The following SRGAP3 variants were observed in gnomAD, a reference collection of about 807,000 sequenced individuals.
SRGAP3 encodes the protein SLIT-ROBO Rho GTPase-activating protein 3.
In SRGAP3, 39 loss-of-function variants were observed where a neutral mutation model predicts 121.1. The ratio of observed to expected loss-of-function variants is 0.32; its 90% CI spans 0.25 to 0.42. SRGAP3 has a LOEUF of 0.42. Ranked by LOEUF, SRGAP3 falls within the 10% of genes least tolerant of loss-of-function variation. SRGAP3 has a pLI of 1.00. For synonymous variants in SRGAP3, 601 were observed against 570.0 expected, an observed-to-expected ratio of 1.05 and a Z score of -0.77; for missense variants, 1,213 against 1,470.6, an observed-to-expected ratio of 0.82 and a Z score of 2.86.
At chr3:9,025,394 T>C in intron 13 of SRGAP3, 56 bp from the exon 14 acceptor site, 2 of 1,560,406 alleles carry the variant, frequency 1.3e-6, no homozygotes, top group Non-Finnish European at 1.8e-6. Flanking sequence ...CTTGAGTTCA[T>C]TAGACTACCG....
At chr3:9,117,543 C>T (rs1346715407) in intron 2 of SRGAP3, among the ~76,000 whole-genome samples, 1 of 152,166 alleles carries the variant, frequency 6.6e-6, no homozygotes, top group Non-Finnish European at 1.5e-5. Context: ...ATGTTTAAAT[C>T]ATATTTAAAT....
In SRGAP3 at chr3:8,984,052, T is replaced by C. The variant is rs1941555677; in HGVS notation, c.*1467A>G. The C allele has an allele frequency of 4.3e-6, 1 of 231,608 alleles. No homozygotes were observed. 14.3% of individuals were successfully genotyped at this position (231,608 alleles called of 1,614,324 possible). A position where few individuals can be genotyped will look rare whatever the true frequency, so the allele number is the denominator to read the frequency against. On this transcript the variant is annotated 3_prime_UTR_variant, in exon 22 of 22. Transcript: ENST00000383836. ...GAAGTGATCAGAAGAGGAGGTAAAA[T>C]GGAATCGAAGGAGAGCGACCCGGAA...
At chr3:9,267,426 T>C (rs943333077) in intron 3 of SRGAP3, among the ~76,000 whole-genome samples, 1 of 152,180 alleles carries the variant, frequency 6.6e-6, no homozygotes, top group Non-Finnish European at 1.5e-5. Context: ...CTGTGCCACA[T>C]GCAGTGGTTT....
At position 8,994,360 on chromosome 3, in the gene SRGAP3, G is replaced by A. The variant is rs1301223438; in HGVS notation, c.2391C>T (p.Tyr797=). The A allele has an allele frequency of 1.2e-6, 2 of 1,614,040 alleles. No homozygotes were observed. The highest frequency in any genetic ancestry group is 1.7e-6 in the Non-Finnish European group (2 of 1,180,056). ...CCACTCACATGTCCTGTACAACTAT[G>A]TACTGATGGGGGATGAGTCCATCCA... ...NGVDGLIPHQ[Y]IVVQDMDDAF... The change falls in exon 19 of 22, where the codon TAC becomes TAT. Residue 797 remains tyrosine, a synonymous_variant. Coordinates refer to ENST00000383836, the MANE Select transcript of SRGAP3 (RefSeq NM_014850.4).
chr3:8,990,433 G>A, intron 21 of SRGAP3, 79 bp downstream of exon 21: 1 of 1,521,408 alleles, frequency 6.6e-7, no homozygotes. Flanking sequence ...AGGCCAAGGT[G>A]GCTCCCCGCT....
intron 8 of SRGAP3, among the ~76,000 whole-genome samples, chr3:9,055,439 C>T (rs1263271768): frequency 6.6e-6 from 1 of 152,218 alleles, no homozygotes; most frequent in Non-Finnish European, 1.5e-5. Flanking sequence ...CAGGAAGAGT[C>T]CAGGTTGGAA....
At chr3:9,220,565 G>T (rs539939117) in intron 1 of SRGAP3, among the ~76,000 whole-genome samples, 306 of 152,278 alleles carry the variant, frequency 2.0e-3, no homozygotes, top group African/African-American at 7.3e-3. Flanking sequence ...CTTCCATACT[G>T]CTGGACAGCA....
At chr3:9,017,139 TA>T (rs1943678879) in intron 14 of SRGAP3, among the ~76,000 whole-genome samples, 2 of 152,162 alleles carry the variant, frequency 1.3e-5, no homozygotes, top group Admixed American at 1.3e-4. Flanking sequence ...TGGTGTCTCA[TA>T]TCGAGACACC....
chr3:9,020,227 T>C (rs1943847811), intron 14 of SRGAP3, among the ~76,000 whole-genome samples: 1 of 152,236 alleles, frequency 6.6e-6, no homozygotes, highest in African/African-American at 2.4e-5. Flanking sequence ...TCTGTCTGTC[T>C]GCATCTATGC....
At chr3:9,090,882 C>T (rs932831738) in intron 3 of SRGAP3, among the ~76,000 whole-genome samples, 2 of 152,152 alleles carry the variant, frequency 1.3e-5, no homozygotes, top group African/African-American at 2.4e-5. Flanking sequence ...GGTGATCCAC[C>T]CGCCTCAACC....
At chr3:9,195,500 C>G (rs1951888363) in intron 1 of SRGAP3, among the ~76,000 whole-genome samples, 1 of 152,122 alleles carries the variant, frequency 6.6e-6, no homozygotes, top group Non-Finnish European at 1.5e-5. Context: ...AATAGCAGAG[C>G]TCCCATGGAT....
rs1955093909 is a variant in SRGAP3 at position 9,303,051 on chromosome 3, G to GT, written n.442+22958dup. On this transcript the variant is annotated intron_variant and non_coding_transcript_variant, in intron 3 of 3. Coordinates refer to the SRGAP3 transcript ENST00000490889. Reference sequence around the variant, plus strand: ...TTTGTTCTGAGCACTCTGACAAGCTGTAACACTGCCTCGATTTTTTCTTAC... The same window carrying GT: ...TTTGTTCTGAGCACTCTGACAAGCTGTTAACACTGCCTCGATTTTTTCTTAC... 4.6e-5 allele frequency among the ~76,000 whole-genome samples: 7 copies of GT among 152,290 alleles called. No homozygotes were observed. The South Asian group carries it at 1.4e-3, about 32-fold the overall frequency.
intron 3 of SRGAP3, among the ~76,000 whole-genome samples, chr3:9,316,397 G>A (rs944492661): frequency 6.8e-5 from 10 of 147,472 alleles, no homozygotes; most frequent in Admixed American, 3.4e-4. Flanking sequence ...GGTGGCTCAC[G>A]CCTGTAATCC....
chr3:9,001,274 A>G (rs966883679), intron 18 of SRGAP3, among the ~76,000 whole-genome samples: 1 of 152,234 alleles, frequency 6.6e-6, no homozygotes, highest in Non-Finnish European at 1.5e-5. Context: ...TATATTTACA[A>G]CATGATGAAT....
intron 5 of SRGAP3, 23 bp from the exon 6 acceptor site, chr3:9,060,382 G>T: frequency 6.3e-7 from 1 of 1,593,440 alleles, no homozygotes; most frequent in Non-Finnish European, 8.6e-7. Context: ...AAGAGTAGAT[G>T]TAAGAGCAAG....
At position 9,299,367 on chromosome 3, in the gene SRGAP3, AAAAAAAAAAG is replaced by A. The variant is rs1468184160; in HGVS notation, n.442+26633_442+26642del. On this transcript the variant is annotated intron_variant and non_coding_transcript_variant, in intron 3 of 3. Coordinates refer to the SRGAP3 transcript ENST00000490889. ...AGAGCGAGACTCCGTCCCAAAAAAA[AAAAAAAAAAG>A]AAAAGAAAAGAAAAGAAACTTCAAG... Among the ~76,000 whole-genome samples, 9 of 151,460 alleles carry A rather than the reference AAAAAAAAAAG, an allele frequency of 5.9e-5. No homozygotes were observed. In the East Asian group the frequency reaches 1.7e-3, roughly 29 times the overall value.
chr3:8,994,292 A>G lies in SRGAP3; in HGVS notation c.2408+51T>C, dbSNP rs756179809. The G allele has an allele frequency of 1.2e-5, 20 of 1,609,948 alleles. No individual in the cohort carries two copies. The South Asian group carries it at 1.9e-4, about 15-fold the overall frequency. Reference sequence around the variant, plus strand: ...CACTCCCCTACGGTGCCCATCCCAGACATCACTAATCTATTTCGGCATTCT... The same window carrying G: ...CACTCCCCTACGGTGCCCATCCCAGGCATCACTAATCTATTTCGGCATTCT... On this transcript the variant is annotated intron_variant, in intron 19 of 21. Transcript: ENST00000383836.
intron 1 of SRGAP3, among the ~76,000 whole-genome samples, chr3:9,178,852 G>T (rs1951277157): frequency 6.6e-6 from 1 of 152,166 alleles, no homozygotes; most frequent in Non-Finnish European, 1.5e-5. Context: ...AGATGTCTCT[G>T]GGTACTAATT....
chr3:9,131,078 C>T (rs1040010105), intron 1 of SRGAP3, among the ~76,000 whole-genome samples: 2 of 152,226 alleles, frequency 1.3e-5, no homozygotes, highest in Non-Finnish European at 2.9e-5. Flanking sequence ...TTACCCATCT[C>T]ATTATTTCTA....
Sources: gnomAD v4.1 joint callset for allele counts (sites outside exome capture counted in the v4.1 genomes callset) on GRCh38, gnomAD v4.1.1 for gene constraint, MANE v1.5 for transcripts, NCBI Gene and HGNC (gene_info 2026-07-23, HGNC 2026-07-21) for gene names.